The following UBE2E1 variants were observed in gnomAD, a reference collection of about 807,000 sequenced individuals.
The protein encoded by UBE2E1 is ubiquitin-conjugating enzyme E2 E1.
In UBE2E1, 6 loss-of-function variants were observed where a neutral mutation model predicts 21.4. That is an observed-to-expected ratio of 0.28 (90% CI 0.15 to 0.55). The LOEUF (loss-of-function observed/expected upper bound fraction) is 0.55, where lower values mean the gene tolerates loss of function less well. UBE2E1 is among the 20% of genes least tolerant of loss of function. The probability of loss-of-function intolerance (pLI) is 0.93; values close to 1 mark genes in which losing one functional copy is unlikely to be tolerated. For missense variants in UBE2E1, 142 were observed against 236.5 expected, an observed-to-expected ratio of 0.60 and a Z score of 2.62; for synonymous variants, 87 against 82.7, an observed-to-expected ratio of 1.05 and a Z score of -0.28.
Position 23,836,045 on chromosome 3 carries a change from GT to G in UBE2E1, c.203+24539del, listed in dbSNP as rs1231872136. Among the ~76,000 whole-genome samples, 1 of 152,140 alleles carries G rather than the reference GT, an allele frequency of 6.6e-6. No homozygotes were observed. The highest frequency in any genetic ancestry group is 2.4e-5 in the African/African-American group (1 of 41,418). ...ATAAGATATATATTTCAGAAAAAAT[GT>G]TTTGAGCTTTTGCTGTTGATGTTAA... On this transcript the variant is annotated intron_variant, in intron 3 of 5. Transcript: ENST00000306627. The surrounding 1 kb of genome is among the most constrained non-coding windows in gnomAD (Gnocchi z 4.1).
chr3:23,817,844 G>T (rs1356202117), intron 3 of UBE2E1, among the ~76,000 whole-genome samples: 1 of 152,182 alleles, frequency 6.6e-6, no homozygotes, highest in African/African-American at 2.4e-5. Context: ...GTGTTCTTCA[G>T]TGTCAGGCTA....
At chr3:23,814,437 T>G (rs1699467340) in intron 3 of UBE2E1, among the ~76,000 whole-genome samples, 1 of 152,194 alleles carries the variant, frequency 6.6e-6, no homozygotes, top group African/African-American at 2.4e-5. Flanking sequence ...TCAAACTGCT[T>G]TATGTTGCCA....
chr3:23,839,294 T>C (rs1194370524), intron 3 of UBE2E1, among the ~76,000 whole-genome samples: 1 of 151,900 alleles, frequency 6.6e-6, no homozygotes, highest in Non-Finnish European at 1.5e-5. Flanking sequence ...AAACCCTGTC[T>C]CTACTAAAAA....
chr3:23,841,482 A>G (rs1385621294), intron 3 of UBE2E1, among the ~76,000 whole-genome samples: 1 of 152,220 alleles, frequency 6.6e-6, no homozygotes, highest in Non-Finnish European at 1.5e-5. Flanking sequence ...GCCATACCAC[A>G]AGAATATTTA....
intron 3 of UBE2E1, among the ~76,000 whole-genome samples, chr3:23,857,090 T>G (rs551304326): frequency 6.6e-6 from 1 of 151,830 alleles, no homozygotes; most frequent in Non-Finnish European, 1.5e-5. Flanking sequence ...ACTAGTTTAC[T>G]GTGGAATGTT....
At position 23,876,029 on chromosome 3, in the gene UBE2E1, A is replaced by C. The variant is rs9863320; in HGVS notation, c.204-11538A>C. Among the ~76,000 whole-genome samples, 117,104 of 152,162 alleles carry C rather than the reference A, an allele frequency of 0.77. 45,643 individuals carry two copies. The highest frequency in any genetic ancestry group is 0.86 in the African/African-American group (35,523 of 41,522). On this transcript the variant is annotated intron_variant, in intron 3 of 5. Coordinates refer to ENST00000306627, the MANE Select transcript of UBE2E1 (RefSeq NM_003341.5). The surrounding 1 kb of genome is among the most constrained non-coding windows in gnomAD (Gnocchi z 4.3). ...CTCGTGATCTGCCCGCTTTGGCCTC[A>C]CAAAGTGCTGGGATTACAGGCGTGA... is the stretch of plus-strand genomic sequence containing the variant.
intron 3 of UBE2E1, among the ~76,000 whole-genome samples, chr3:23,839,038 C>A (rs570761135): frequency 1.3e-5 from 2 of 152,058 alleles, no homozygotes; most frequent in African/African-American, 4.8e-5. Context: ...TACCCCTTCA[C>A]CCACAGCGAC....
intron 3 of UBE2E1, among the ~76,000 whole-genome samples, chr3:23,826,690 G>GGT (rs1699766620): frequency 6.6e-6 from 1 of 152,132 alleles, no homozygotes; most frequent in Admixed American, 6.5e-5. Context: ...TTCTTGATTT[G>GGT]GTAGATACTT....
At chr3:23,873,417 G>A (rs1439186885) in intron 3 of UBE2E1, among the ~76,000 whole-genome samples, 1 of 147,230 alleles carries the variant, frequency 6.8e-6, no homozygotes, top group African/African-American at 2.5e-5. Flanking sequence ...CTGGGAGGGT[G>A]CAGGTGGAGG....
chr3:23,833,020 T>C (rs1699901990), intron 3 of UBE2E1, among the ~76,000 whole-genome samples: 1 of 152,156 alleles, frequency 6.6e-6, no homozygotes, highest in Admixed American at 6.6e-5. Context: ...GGCGACAAAG[T>C]GAGACCCTGT....
intron 3 of UBE2E1, among the ~76,000 whole-genome samples, chr3:23,815,095 T>G (rs1053065114): frequency 1.3e-5 from 2 of 152,152 alleles, no homozygotes; most frequent in African/African-American, 4.8e-5. Context: ...GTCCTCCTGC[T>G]TCAGGCCCCC....
At position 23,806,102 on chromosome 3, in the gene UBE2E1, C is replaced by T. The variant is rs1027998871; in HGVS notation, c.-34+14C>T. Reference sequence around the variant, plus strand: ...ACACAAAGAGAGGTACGGGGATCCCCCCAGCGGCCCGCCGCCCCCCGGCCG... The same window carrying T: ...ACACAAAGAGAGGTACGGGGATCCCTCCAGCGGCCCGCCGCCCCCCGGCCG... On this transcript the variant is annotated intron_variant, in intron 1 of 5. Transcript: ENST00000306627. The surrounding 1 kb of genome is among the most constrained non-coding windows in gnomAD (Gnocchi z 6.5). The T allele has an allele frequency of 6.7e-6, 1 of 149,792 alleles. No individual in the cohort carries two copies. The highest frequency in any genetic ancestry group is 1.5e-5 in the Non-Finnish European group (1 of 66,822). 9.3% of individuals were successfully genotyped at this position (149,792 alleles called of 1,614,324 possible).
chr3:23,843,028 TA>T (rs1356319277), intron 3 of UBE2E1, among the ~76,000 whole-genome samples: 7 of 151,636 alleles, frequency 4.6e-5, no homozygotes, highest in African/African-American at 1.7e-4. Flanking sequence ...CAGTTACATA[TA>T]AAAATATATA....
rs934442792 is a variant in UBE2E1, at chr3:23,853,537, T to A, written c.204-34030T>A. On this transcript the variant is annotated intron_variant, in intron 3 of 5. Coordinates refer to ENST00000306627, the MANE Select transcript of UBE2E1 (RefSeq NM_003341.5). This position sits in a 1 kb window ranked among gnomAD's most constrained non-coding sequence, Gnocchi z 4.1. ...CCAAAGATTACAAAGATTTTTCTTC[T>A]GTTGTTTTTTTTTAATATAAGTTTT... Among the ~76,000 whole-genome samples the A allele has an allele frequency of 3.3e-5, 5 of 152,320 alleles. No individual in the cohort carries two copies. The highest frequency in any genetic ancestry group is 3.4e-3 in the Middle Eastern group (1 of 294).
At chr3:23,814,774 A>G (rs1011410632) in intron 3 of UBE2E1, among the ~76,000 whole-genome samples, 5 of 152,202 alleles carry the variant, frequency 3.3e-5, no homozygotes, top group Admixed American at 6.5e-5. Context: ...TGTAGACACG[A>G]ATATCTGTAG....
chr3:23,807,062 A>T (rs985374471), intron 1 of UBE2E1, 175 bp from the exon 2 acceptor site: 7 of 495,912 alleles, frequency 1.4e-5, no homozygotes, highest in Admixed American at 3.9e-5. Flanking sequence ...AAAAATAAAC[A>T]AGCCGCGTCC....
chr3:23,858,690 C>T (rs908892506), intron 3 of UBE2E1, among the ~76,000 whole-genome samples: 1 of 152,154 alleles, frequency 6.6e-6, no homozygotes, highest in Admixed American at 6.6e-5. Context: ...AAATGTAATG[C>T]TTTCTCTTAT....
intron 2 of UBE2E1, 31 bp from the exon 3 acceptor site, chr3:23,811,427 TTG>T: frequency 6.2e-7 from 1 of 1,613,458 alleles, no homozygotes; most frequent in Admixed American, 1.7e-5. Context: ...TTAATGCTTC[TTG>T]TGTTTGTCTT....
At chr3:23,834,794 T>G (rs1431156277) in intron 3 of UBE2E1, among the ~76,000 whole-genome samples, 1 of 152,204 alleles carries the variant, frequency 6.6e-6, no homozygotes, top group Non-Finnish European at 1.5e-5. Context: ...TCTTTGAGAT[T>G]AGAAATTGGC....
Sources: allele counts gnomAD v4.1 joint callset (sites outside exome capture counted in the v4.1 genomes callset), GRCh38; gene constraint gnomAD v4.1.1; non-coding constraint Gnocchi (gnomAD v3.1); transcripts MANE v1.5; gene names NCBI Gene and HGNC (gene_info 2026-07-23, HGNC 2026-07-21).